The following TSPAN15 variants were observed in gnomAD, a reference collection of about 807,000 sequenced individuals.
TSPAN15 encodes the protein tetraspanin 15, also known as tetraspanin-15.
In TSPAN15, 20 loss-of-function variants were observed where a neutral mutation model predicts 34.5. That is an observed-to-expected ratio of 0.58 (90% CI 0.41 to 0.84). The LOEUF is 0.84. TSPAN15 is among the 40% of genes least tolerant of loss of function. TSPAN15 has a pLI of 0.00. For missense variants in TSPAN15, 313 were observed against 386.1 expected (o/e 0.81, Z 1.59); for synonymous variants, 155 against 153.9 (o/e 1.01, Z -0.05).
chr10:69,463,246 G>A (rs2133071616), intron 1 of TSPAN15, among the ~76,000 whole-genome samples: 1 of 152,306 alleles, frequency 6.6e-6, no homozygotes, highest in East Asian at 1.9e-4. Context: ...GATATCTCGA[G>A]TTTGAGAACT....
At chr10:69,546,151 C>G in the TSPAN15 span, among the ~76,000 whole-genome samples, 2 of 152,190 alleles carry the variant, frequency 1.3e-5, no homozygotes, top group African/African-American at 4.8e-5. Flanking sequence ...CAGAACTCCA[C>G]TCTCTTCCTG....
In TSPAN15 at chr10:69,506,274, T is replaced by G. The variant is rs756274987; in HGVS notation, c.735+34T>G. On this transcript the variant is annotated intron_variant, in intron 7 of 7. Coordinates refer to ENST00000373290, the MANE Select transcript of TSPAN15 (RefSeq NM_012339.5). The surrounding 1 kb of genome is among the most constrained non-coding windows in gnomAD (Gnocchi z 4.7). ...GCCGTGGGTTCAGAGAAAGTGTGACTTGGTGATTGCAGAAGGGCAGAGAAG... is the reference window on the plus strand; with the variant it reads ...GCCGTGGGTTCAGAGAAAGTGTGACGTGGTGATTGCAGAAGGGCAGAGAAG... 22 of 1,596,148 alleles carry G rather than the reference T, an allele frequency of 1.4e-5. No homozygotes were observed. Among genetic ancestry groups the G allele is most frequent in the Non-Finnish European group, 1.6e-5 (19 of 1,163,944 alleles).
chr10:69,513,981 T>A, the TSPAN15 span, among the ~76,000 whole-genome samples: 1 of 152,226 alleles, frequency 6.6e-6, no homozygotes. Flanking sequence ...TTGGTCCTGA[T>A]CTTAGGGGGA....
the TSPAN15 span, among the ~76,000 whole-genome samples, chr10:69,515,762 A>G: frequency 6.6e-6 from 1 of 152,218 alleles, no homozygotes; most frequent in African/African-American, 2.4e-5. Context: ...CAGAAGGCAC[A>G]AACGTTCCCA....
At chr10:69,471,626 A>C (rs1589631769) in intron 1 of TSPAN15, among the ~76,000 whole-genome samples, 2 of 110,620 alleles carry the variant, frequency 1.8e-5, no homozygotes, top group African/African-American at 3.7e-5. Flanking sequence ...TTCTCTTTCG[A>C]CTCTGGTACC....
At chr10:69,473,032 G>C (rs1029831408) in intron 1 of TSPAN15, among the ~76,000 whole-genome samples, 1 of 152,218 alleles carries the variant, frequency 6.6e-6, no homozygotes, top group African/African-American at 2.4e-5. Context: ...TGTCCAAAGG[G>C]CATAGTTAAT....
chr10:69,493,715 G>T (rs546329065), intron 3 of TSPAN15, among the ~76,000 whole-genome samples: 1 of 152,224 alleles, frequency 6.6e-6, no homozygotes, highest in East Asian at 1.9e-4. Context: ...CTTGTGATCC[G>T]CCTGCCTTGG....
At chr10:69,504,960 C>T (rs1183411819) in intron 6 of TSPAN15, among the ~76,000 whole-genome samples, 1 of 152,152 alleles carries the variant, frequency 6.6e-6, no homozygotes, top group African/African-American at 2.4e-5. Flanking sequence ...AGTGACCTGA[C>T]ATGCAGAGCA....
At chr10:69,539,484 GAA>G in the TSPAN15 span, among the ~76,000 whole-genome samples, 1 of 61,818 alleles carries the variant, frequency 1.6e-5, no homozygotes, top group Admixed American at 1.7e-4. Context: ...AGGAGAAGGA[GAA>G]GAAGAAGAAG....
downstream of TSPAN15, among the ~76,000 whole-genome samples, chr10:69,512,360 T>C (rs142212435): frequency 1.8e-4 from 27 of 152,352 alleles, no homozygotes; most frequent in East Asian, 5.2e-3. Context: ...TAATTATTTT[T>C]TATAAGACAC....
Position 69,507,220 on chromosome 10 carries a change from G to A in TSPAN15, c.*242G>A, listed in dbSNP as rs1315106552. 2 of 1,401,316 alleles carry A rather than the reference G, an allele frequency of 1.4e-6. No individual in the cohort carries two copies. 86.8% of individuals were successfully genotyped at this position (1,401,316 alleles called of 1,614,324 possible). Reference sequence around the variant, plus strand: ...AATCTGTGCCCACCTGGGGCCTGGGGAACAAGGCCCTCCTTTCTCCAGGCC... The same window carrying A: ...AATCTGTGCCCACCTGGGGCCTGGGAAACAAGGCCCTCCTTTCTCCAGGCC... On this transcript the variant is annotated 3_prime_UTR_variant, in exon 8 of 8. Transcript: ENST00000373290.
the TSPAN15 span, among the ~76,000 whole-genome samples, chr10:69,539,272 G>T: frequency 9.2e-5 from 14 of 151,524 alleles, no homozygotes; most frequent in South Asian, 4.2e-4. Context: ...GGGAGTGAGG[G>T]ATAAAAGACT....
the TSPAN15 span, among the ~76,000 whole-genome samples, chr10:69,544,749 G>A: frequency 2.0e-5 from 3 of 152,172 alleles, no homozygotes; most frequent in Admixed American, 6.5e-5. Context: ...GAGGCCTGGG[G>A]GAGGTGGAAG....
At chr10:69,535,787 A>T in the TSPAN15 span, among the ~76,000 whole-genome samples, 2 of 152,252 alleles carry the variant, frequency 1.3e-5, no homozygotes, top group South Asian at 4.1e-4. Flanking sequence ...CTGTAGAGTG[A>T]TGTGAACCCA....
intron 1 of TSPAN15, among the ~76,000 whole-genome samples, chr10:69,457,457 G>A (rs1841138412): frequency 6.6e-6 from 1 of 152,194 alleles, no homozygotes; most frequent in African/African-American, 2.4e-5. Context: ...CTTGATAACA[G>A]GGTAGGACTT....
the TSPAN15 span, among the ~76,000 whole-genome samples, chr10:69,543,666 C>A: frequency 6.6e-6 from 1 of 152,156 alleles, no homozygotes; most frequent in Non-Finnish European, 1.5e-5. Flanking sequence ...CAGCGCTGGG[C>A]CCTGCTTGCT....
the TSPAN15 span, chr10:69,523,781 A>G: frequency 6.6e-6 from 1 of 150,836 alleles, no homozygotes; most frequent in African/African-American, 2.4e-5. Flanking sequence ...TCCTTAGGCC[A>G]GTACCAAATG....
chr10:69,490,307 C>T (rs944856972), intron 3 of TSPAN15, among the ~76,000 whole-genome samples: 1 of 152,168 alleles, frequency 6.6e-6, no homozygotes, highest in African/African-American at 2.4e-5. Flanking sequence ...GAACATGCCC[C>T]TGACCAAAGG....
intron 1 of TSPAN15, among the ~76,000 whole-genome samples, chr10:69,456,155 T>C (rs1380871960): frequency 6.6e-6 from 1 of 152,132 alleles, no homozygotes; most frequent in African/African-American, 2.4e-5. Context: ...TGGTGTGATC[T>C]TGGCTCACTG....
Sources: allele counts gnomAD v4.1 joint callset (sites outside exome capture counted in the v4.1 genomes callset), GRCh38; gene constraint gnomAD v4.1.1; non-coding constraint Gnocchi (gnomAD v3.1); transcripts MANE v1.5; gene names NCBI Gene and HGNC (gene_info 2026-07-23, HGNC 2026-07-21).